The following IL1RAPL2 variants were observed in gnomAD, a reference collection of about 807,000 sequenced individuals.
IL1RAPL2 encodes the protein interleukin 1 receptor accessory protein like 2, also known as X-linked interleukin-1 receptor accessory protein-like 2.
A neutral mutation model predicts 44.1 loss-of-function variants in IL1RAPL2; 3 were observed. The ratio of observed to expected loss-of-function variants is 0.07; its 90% CI spans 0.03 to 0.18. IL1RAPL2 has a LOEUF of 0.18. IL1RAPL2 is among the 10% of genes least tolerant of loss of function. The probability of loss-of-function intolerance (pLI) is 1.00; values close to 1 mark genes in which losing one functional copy is unlikely to be tolerated. For missense variants in IL1RAPL2, 391 were observed against 496.4 expected (o/e 0.79, Z 2.02); for synonymous variants, 181 against 178.8 (o/e 1.01, Z -0.10).
At position 104,635,444 on chromosome X, in the gene IL1RAPL2, A is replaced by G. The variant is rs182810824; in HGVS notation, c.-19-23451A>G. On this transcript the variant is annotated intron_variant, in intron 1 of 10. Transcript: ENST00000372582. Reference sequence around the variant, plus strand: ...ATAATATCCTGCAGAGTGTTTTCCAACTTGGTTCCATTCTCCCTGTCACTT... The same window carrying G: ...ATAATATCCTGCAGAGTGTTTTCCAGCTTGGTTCCATTCTCCCTGTCACTT... 1.7e-3 allele frequency among the ~76,000 whole-genome samples: 191 copies of G among 111,772 alleles called. 1 individual carries two copies. The highest frequency in any genetic ancestry group is 5.9e-3 in the African/African-American group (180 of 30,723).
At chrX:104,962,535 A>G (rs920306036) in intron 2 of IL1RAPL2, among the ~76,000 whole-genome samples, 8 of 112,172 alleles carry the variant, frequency 7.1e-5, no homozygotes, top group Non-Finnish European at 1.9e-5. Context: ...AGCCTATGCT[A>G]CACACTAAAT....
chrX:105,280,319 A>G (rs1344264246), intron 5 of IL1RAPL2, among the ~76,000 whole-genome samples: 1 of 112,140 alleles, frequency 8.9e-6, no homozygotes, highest in East Asian at 2.8e-4. Context: ...CTAGGACCAT[A>G]AAAGTCCTAG....
intron 6 of IL1RAPL2, among the ~76,000 whole-genome samples, chrX:105,557,332 A>G (rs1466442765): frequency 8.9e-6 from 1 of 111,886 alleles, no homozygotes; most frequent in Non-Finnish European, 1.9e-5. Context: ...AATCCTAGCC[A>G]GTAACTTTTT....
intron 2 of IL1RAPL2, among the ~76,000 whole-genome samples, chrX:105,093,355 A>C (rs2147555885): frequency 8.9e-6 from 1 of 112,089 alleles, no homozygotes; most frequent in South Asian, 3.7e-4. Context: ...ATGATGACAA[A>C]GAAATTAACA....
At chrX:105,137,715 A>T (rs1288611025) in intron 2 of IL1RAPL2, among the ~76,000 whole-genome samples, 1 of 111,674 alleles carries the variant, frequency 9.0e-6, no homozygotes. Flanking sequence ...TAATTGTTAA[A>T]CTGTCATCTA....
chrX:104,862,000 A>G (rs1922507109), intron 2 of IL1RAPL2, among the ~76,000 whole-genome samples: 1 of 110,845 alleles, frequency 9.0e-6, no homozygotes, highest in Admixed American at 9.7e-5. Flanking sequence ...GGAGTTTGTT[A>G]GGCAGACAAA....
chrX:104,764,802 A>G (rs1602717076), intron 2 of IL1RAPL2, among the ~76,000 whole-genome samples: 1 of 112,470 alleles, frequency 8.9e-6, no homozygotes, highest in African/African-American at 3.2e-5. Context: ...TACATCATCA[A>G]TTGAAATGAT....
At chrX:105,341,008 A>T (rs925392680) in intron 5 of IL1RAPL2, among the ~76,000 whole-genome samples, 2 of 102,186 alleles carry the variant, frequency 2.0e-5, no homozygotes, top group African/African-American at 9.2e-5. Flanking sequence ...TTAACTATAT[A>T]TATCTATTAA....
intron 2 of IL1RAPL2, among the ~76,000 whole-genome samples, chrX:104,838,340 G>A (rs1239427902): frequency 1.8e-5 from 2 of 111,732 alleles, no homozygotes; most frequent in Non-Finnish European, 3.8e-5. Context: ...TCACGATATT[G>A]ATTTTTCCTA....
intron 2 of IL1RAPL2, among the ~76,000 whole-genome samples, chrX:104,972,414 G>A (rs759143874): frequency 9.0e-6 from 1 of 111,595 alleles, no homozygotes; most frequent in Non-Finnish European, 1.9e-5. Context: ...GGGGAGTGCA[G>A]GTGGAATCTG....
intron 2 of IL1RAPL2, among the ~76,000 whole-genome samples, chrX:104,887,796 G>A (rs769231397): frequency 2.7e-5 from 3 of 111,241 alleles, no homozygotes; most frequent in Admixed American, 1.9e-4. Flanking sequence ...CCTATATACC[G>A]ATGGAAGTTC....
At chrX:104,969,918 T>TG (rs1444301076) in intron 2 of IL1RAPL2, among the ~76,000 whole-genome samples, 1 of 111,780 alleles carries the variant, frequency 8.9e-6, no homozygotes, top group Non-Finnish European at 1.9e-5. Context: ...ACTAGTTTTT[T>TG]TTTTCTTTTT....
At chrX:105,301,091 T>G in intron 5 of IL1RAPL2, among the ~76,000 whole-genome samples, 1 of 111,510 alleles carries the variant, frequency 9.0e-6, no homozygotes, top group Non-Finnish European at 1.9e-5. Context: ...TACTGTAGTT[T>G]CTTTTGAAAC....
intron 5 of IL1RAPL2, among the ~76,000 whole-genome samples, chrX:105,378,074 C>A (rs1336133588): frequency 8.9e-6 from 1 of 111,930 alleles, no homozygotes; most frequent in African/African-American, 3.2e-5. Flanking sequence ...CTTATCTACA[C>A]TGTATAGATA....
chrX:105,747,500 G>A (rs866803675), intron 8 of IL1RAPL2, among the ~76,000 whole-genome samples: 2,110 of 56,048 alleles, frequency 0.038, 36 homozygotes, highest in African/African-American at 0.062. Flanking sequence ...GTATGTGTGT[G>A]TGTGTGTGTG....
At chrX:105,698,545 C>T (rs932477066) in intron 6 of IL1RAPL2, among the ~76,000 whole-genome samples, 9 of 111,471 alleles carry the variant, frequency 8.1e-5, no homozygotes, top group African/African-American at 2.6e-4. Flanking sequence ...TGCTAGCCAC[C>T]CCAGTATCAA....
At chrX:105,350,654 G>A (rs1338702746) in intron 5 of IL1RAPL2, among the ~76,000 whole-genome samples, 1 of 111,848 alleles carries the variant, frequency 8.9e-6, no homozygotes, top group African/African-American at 3.2e-5. Flanking sequence ...AACCCAGGAG[G>A]CAGAGGTTGC....
At chrX:104,883,529 C>T (rs779108137) in intron 2 of IL1RAPL2, among the ~76,000 whole-genome samples, 1 of 111,453 alleles carries the variant, frequency 9.0e-6, no homozygotes, top group Non-Finnish European at 1.9e-5. Context: ...AAGCGAGACT[C>T]GCCCATCTAT....
At chrX:104,676,500 C>A (rs1206158012) in intron 2 of IL1RAPL2, among the ~76,000 whole-genome samples, 1 of 111,633 alleles carries the variant, frequency 9.0e-6, no homozygotes, top group Non-Finnish European at 1.9e-5. Context: ...CCTTTGTGGG[C>A]AACCCGACCT....
Sources: allele counts gnomAD v4.1 joint callset (sites outside exome capture counted in the v4.1 genomes callset), GRCh38; gene constraint gnomAD v4.1.1; transcripts MANE v1.5; gene names NCBI Gene and HGNC (gene_info 2026-07-23, HGNC 2026-07-21).